Variants in CHSY3 observed in about 807,000 individuals in gnomAD.
The protein encoded by CHSY3 is N-acetylgalactosaminyl-proteoglycan 3-beta-glucuronosyltransferase 3.
A neutral mutation model predicts 67.2 loss-of-function variants in CHSY3; 35 were observed. The ratio of observed to expected loss-of-function variants is 0.52; its 90% CI spans 0.40 to 0.69. The LOEUF (loss-of-function observed/expected upper bound fraction) is 0.69, where lower values mean the gene tolerates loss of function less well. CHSY3 is among the 30% of genes least tolerant of loss of function. CHSY3 has a pLI of 0.00. For synonymous variants in CHSY3, 474 were observed against 434.7 expected (o/e 1.09, Z -1.12); for missense variants, 1,069 against 1,138.5 (o/e 0.94, Z 0.88).
chr5:130,158,618 G>C (rs560451304), intron 2 of CHSY3, among the ~76,000 whole-genome samples: 2 of 152,126 alleles, frequency 1.3e-5, no homozygotes, highest in African/African-American at 2.4e-5. Flanking sequence ...TCTAAGTCAG[G>C]ATCAGCCATT....
At chr5:130,054,951 G>T (rs899782990) in intron 2 of CHSY3, among the ~76,000 whole-genome samples, 1 of 151,982 alleles carries the variant, frequency 6.6e-6, no homozygotes, top group Non-Finnish European at 1.5e-5. Flanking sequence ...GGCTAGGTGG[G>T]GTCTGAGGAT....
chr5:129,968,657 G>C (rs1456452108), intron 2 of CHSY3, among the ~76,000 whole-genome samples: 4 of 151,762 alleles, frequency 2.6e-5, no homozygotes, highest in Non-Finnish European at 2.9e-5. Flanking sequence ...CTCACACTTT[G>C]ATGGGTCAGA....
intron 2 of CHSY3, among the ~76,000 whole-genome samples, chr5:129,920,199 C>G (rs1339213667): frequency 6.6e-6 from 1 of 152,140 alleles, no homozygotes; most frequent in Non-Finnish European, 1.5e-5. Context: ...ACATGTGGTA[C>G]AGTGGTCCTC....
At chr5:129,941,378 CATTAT>C (rs1409715434) in intron 2 of CHSY3, among the ~76,000 whole-genome samples, 1 of 151,950 alleles carries the variant, frequency 6.6e-6, no homozygotes, top group Non-Finnish European at 1.5e-5. Flanking sequence ...ACTCTTTATT[CATTAT>C]ATTAAATTAT....
intron 2 of CHSY3, among the ~76,000 whole-genome samples, chr5:130,066,028 G>A (rs1765873927): frequency 6.6e-6 from 1 of 151,890 alleles, no homozygotes; most frequent in South Asian, 2.1e-4. Context: ...CCAAAACTTG[G>A]AACACACCTT....
At chr5:129,956,818 T>A (rs1323965611) in intron 2 of CHSY3, among the ~76,000 whole-genome samples, 1 of 152,042 alleles carries the variant, frequency 6.6e-6, no homozygotes, top group Non-Finnish European at 1.5e-5. Context: ...GTTTCATTGG[T>A]CTATGTGTTT....
intron 2 of CHSY3, among the ~76,000 whole-genome samples, chr5:129,940,045 T>A (rs1203771269): frequency 6.6e-6 from 1 of 152,150 alleles, no homozygotes; most frequent in African/African-American, 2.4e-5. Flanking sequence ...TTGAAAAAAT[T>A]CTTTAGAGGC....
rs1233381101 is a variant in CHSY3, at chr5:129,982,898, C to A, written c.1086+74538C>A. On this transcript the variant is annotated intron_variant, in intron 2 of 2. Coordinates refer to ENST00000305031, the MANE Select transcript of CHSY3 (RefSeq NM_175856.5). ...AAAGCAGCTTTAAGAGTTACATAAG[C>A]GAATATACATAAAAGGCTTAGTAGT... Among the ~76,000 whole-genome samples the A allele has an allele frequency of 3.9e-5, 6 of 152,024 alleles. No homozygotes were observed. In the East Asian group the frequency reaches 1.2e-3, roughly 29 times the overall value.
At chr5:129,971,948 C>T (rs1762651755) in intron 2 of CHSY3, among the ~76,000 whole-genome samples, 1 of 151,960 alleles carries the variant, frequency 6.6e-6, no homozygotes, top group Non-Finnish European at 1.5e-5. Flanking sequence ...TTCAGCTATG[C>T]TATTTTAAAC....
chr5:130,097,517 T>C (rs1767088615), intron 2 of CHSY3, among the ~76,000 whole-genome samples: 1 of 152,232 alleles, frequency 6.6e-6, no homozygotes, highest in Non-Finnish European at 1.5e-5. Context: ...ACTGCAGGAT[T>C]CCACTACCTA....
intron 2 of CHSY3, among the ~76,000 whole-genome samples, chr5:129,972,832 T>C (rs192324784): frequency 4.9e-4 from 75 of 152,228 alleles, no homozygotes; most frequent in Non-Finnish European, 9.9e-4. Context: ...TGTTGTTGCC[T>C]GTGTCTTAGT....
chr5:130,042,064 A>G (rs1461969873), intron 2 of CHSY3, among the ~76,000 whole-genome samples: 1 of 151,996 alleles, frequency 6.6e-6, no homozygotes, highest in Non-Finnish European at 1.5e-5. Context: ...TTAAGACCTC[A>G]TCTCTACAAA....
chr5:130,125,753 A>G (rs1768260651), intron 2 of CHSY3, among the ~76,000 whole-genome samples: 1 of 152,160 alleles, frequency 6.6e-6, no homozygotes, highest in African/African-American at 2.4e-5. Flanking sequence ...GGCAAAACCG[A>G]AAGCAAAAGA....
At chr5:129,936,386 G>A (rs147432929) in intron 2 of CHSY3, among the ~76,000 whole-genome samples, 244 of 152,094 alleles carry the variant, frequency 1.6e-3, no homozygotes, top group African/African-American at 5.4e-3. Context: ...TGAGTTCTAG[G>A]CTGACAGCGA....
At chr5:130,061,961 A>G (rs1332165793) in intron 2 of CHSY3, among the ~76,000 whole-genome samples, 1 of 152,166 alleles carries the variant, frequency 6.6e-6, no homozygotes, top group African/African-American at 2.4e-5. Flanking sequence ...GTAAGAATGT[A>G]AATTAGTTCA....
chr5:130,076,589 T>C (rs1283938395), intron 2 of CHSY3, among the ~76,000 whole-genome samples: 1 of 151,934 alleles, frequency 6.6e-6, no homozygotes, highest in South Asian at 2.1e-4. Flanking sequence ...TTTTAAATAT[T>C]CCTACATGCA....
chr5:129,992,179 G>T (rs927391308), intron 2 of CHSY3, among the ~76,000 whole-genome samples: 4 of 152,096 alleles, frequency 2.6e-5, no homozygotes, highest in Non-Finnish European at 5.9e-5. Flanking sequence ...AAACAGTCTT[G>T]TTTACCATGC....
At chr5:129,935,778 A>G (rs1366889284) in intron 2 of CHSY3, among the ~76,000 whole-genome samples, 1 of 152,222 alleles carries the variant, frequency 6.6e-6, no homozygotes, top group Non-Finnish European at 1.5e-5. Flanking sequence ...TGAAGCTGCC[A>G]CATGTCAAGT....
rs557005022 is a variant in CHSY3, at chr5:130,157,072, T to G, written c.1087-27157T>G. Among the ~76,000 whole-genome samples the G allele has an allele frequency of 5.9e-5, 9 of 152,320 alleles. No individual in the cohort carries two copies. The East Asian group carries it at 1.7e-3, about 29-fold the overall frequency. ...TACTTGTGGTCCCCAAATGTGCACA[T>G]GTTGAGGTTAAGTATCAGTCTGGAC... is the stretch of plus-strand genomic sequence containing the variant. On this transcript the variant is annotated intron_variant, in intron 2 of 2. Coordinates refer to ENST00000305031, the MANE Select transcript of CHSY3 (RefSeq NM_175856.5).
Sources: allele counts gnomAD v4.1 joint callset (sites outside exome capture counted in the v4.1 genomes callset), GRCh38; gene constraint gnomAD v4.1.1; transcripts MANE v1.5; gene names NCBI Gene and HGNC (gene_info 2026-07-23, HGNC 2026-07-21).